GFI1B: variants seen among roughly 807,000 people sequenced by gnomAD.
GFI1B encodes zinc finger protein Gfi-1b.
Under a neutral mutation model 35.3 loss-of-function variants are expected in GFI1B, and 20 were observed. That is an observed-to-expected ratio of 0.57 (90% CI 0.40 to 0.82). The LOEUF is 0.82. Ranked by LOEUF, GFI1B falls within the 40% of genes least tolerant of loss-of-function variation. The pLI is 0.00. For missense variants in GFI1B, 430 were observed against 446.3 expected, an observed-to-expected ratio of 0.96 and a Z score of 0.33; for synonymous variants, 178 against 177.6, an observed-to-expected ratio of 1.00 and a Z score of -0.02.
At position 132,989,194 on chromosome 9, in the gene GFI1B, C is replaced by T; in HGVS notation, c.644C>T (p.Ser215Phe). The stretch of plus-strand genomic sequence containing the variant: ...CTGGAGCAGCACACGCACGTCCACT[C>T]CCAGGTGGGCACCTGGCCCAGCGCA... The part of the protein sequence containing the change: ...VSLEQHTHVH[S>F]QERSFECRMC... Residue 215 changes from serine (S) to phenylalanine (F), a missense_variant, in exon 5 of 7, where the codon TCC (serine) becomes TTC (phenylalanine). Transcript: ENST00000372122. This position sits in a 1 kb window ranked among gnomAD's most constrained non-coding sequence, Gnocchi z 6.2. The T allele has an allele frequency of 6.2e-7, 1 of 1,612,600 alleles. No individual in the cohort carries two copies. Among genetic ancestry groups the T allele is most frequent in the Non-Finnish European group, 8.5e-7 (1 of 1,179,484 alleles).
At position 132,988,467 on chromosome 9, in the gene GFI1B, A is replaced by G. The variant is rs1468878225; in HGVS notation, c.509A>G (p.Lys170Arg). The change falls in exon 4 of 7, where the codon AAG becomes AGG. Residue 170 changes from lysine to arginine, a missense_variant and splice_region_variant. Transcript: ENST00000372122. ...GCGTACCACTGTGTGAAGTGCAACA[A>G]GGTGGGCAGCGGGGGGTGTGGTGGG... Reference protein sequence around the residue: ...MDAYHCVKCNKVFSTPHGLEV... With the variant: ...MDAYHCVKCNRVFSTPHGLEV... The G allele has an allele frequency of 6.2e-7, 1 of 1,613,162 alleles. No homozygotes were observed. Among genetic ancestry groups the G allele is most frequent in the Admixed American group, 1.7e-5 (1 of 59,998 alleles).
upstream of GFI1B, among the ~76,000 whole-genome samples, chr9:132,973,875 A>G (rs144302382): frequency 6.6e-6 from 1 of 152,130 alleles, no homozygotes; most frequent in Admixed American, 6.5e-5. Context: ...TTTTGGCGGG[A>G]AAGTCTGCCA....
chr9:132,966,560 T>C (rs1848453638), intron 1 of GFI1B, among the ~76,000 whole-genome samples: 1 of 152,086 alleles, frequency 6.6e-6, no homozygotes, highest in Non-Finnish European at 1.5e-5. Context: ...ATGATAGAAT[T>C]GGAAGAATAA....
chr9:132,952,085 T>C (rs1248210155), intron 1 of GFI1B: 1 of 152,060 alleles, frequency 6.6e-6, no homozygotes, highest in African/African-American at 2.4e-5. Flanking sequence ...GTATTATTGA[T>C]TTATTATTAG....
chr9:132,947,692 C>T (rs1848140694), intron 1 of GFI1B, among the ~76,000 whole-genome samples: 1 of 151,328 alleles, frequency 6.6e-6, no homozygotes, highest in South Asian at 2.1e-4. Flanking sequence ...ACCTATAATC[C>T]AAGCTACTCA....
chr9:132,954,555 G>A (rs1476350170), intron 1 of GFI1B, among the ~76,000 whole-genome samples: 16 of 148,032 alleles, frequency 1.1e-4, no homozygotes, highest in African/African-American at 4.0e-4. Context: ...AGCCTGGATA[G>A]CAGAGTAAGA....
chr9:132,948,886 C>T lies in GFI1B; in HGVS notation c.-701+3217C>T, dbSNP rs1445771346. ...TCTGTCTGGGCTCCCCTCTGAGCCA[C>T]ACCCGCTAAGCATGTCCTCTCCCTC... On this transcript the variant is annotated intron_variant, in intron 1 of 10. Coordinates refer to the GFI1B transcript ENST00000339463. Among the ~76,000 whole-genome samples the T allele has an allele frequency of 2.6e-5, 4 of 152,232 alleles. No homozygotes were observed. The East Asian group carries it at 7.7e-4, about 29-fold the overall frequency.
intron 3 of GFI1B, among the ~76,000 whole-genome samples, chr9:132,987,750 T>A (rs898936477): frequency 1.7e-4 from 26 of 152,108 alleles, no homozygotes; most frequent in African/African-American, 6.0e-4. Flanking sequence ...TGGCAGTAAG[T>A]ATCTGGGTTG....
chr9:132,968,231 A>C (rs1848480405), intron 1 of GFI1B, among the ~76,000 whole-genome samples: 1 of 151,890 alleles, frequency 6.6e-6, no homozygotes, highest in Non-Finnish European at 1.5e-5. Context: ...CCTTCTCCTC[A>C]GCATGCTGAG....
chr9:132,963,412 G>A (rs1247811304), intron 1 of GFI1B, among the ~76,000 whole-genome samples: 1 of 152,092 alleles, frequency 6.6e-6, no homozygotes, highest in Admixed American at 6.6e-5. Flanking sequence ...CCTGGGAGGC[G>A]GAGGTTGCAG....
At chr9:132,955,110 A>T (rs986748640) in intron 1 of GFI1B, among the ~76,000 whole-genome samples, 1 of 152,138 alleles carries the variant, frequency 6.6e-6, no homozygotes, top group Non-Finnish European at 1.5e-5. Flanking sequence ...ATTTGTGTAG[A>T]TCCAAGTTTG....
At chr9:132,988,048 G>A (rs948372443) in intron 3 of GFI1B, 149 bp from the exon 4 acceptor site, 31 of 707,600 alleles carry the variant, frequency 4.4e-5, no homozygotes, top group African/African-American at 3.6e-4. Flanking sequence ...GTTTCACCAC[G>A]TTGGTCCGCC....
chr9:132,990,778 T>A (rs1849266690), intron 6 of GFI1B, 94 bp from the exon 7 acceptor site: 1 of 1,096,428 alleles, frequency 9.1e-7, no homozygotes, highest in African/African-American at 1.5e-5. Flanking sequence ...AGGAAGGTAT[T>A]GGAAAATGAA....
chr9:132,947,529 C>A (rs1295016863), intron 1 of GFI1B, among the ~76,000 whole-genome samples: 1 of 151,898 alleles, frequency 6.6e-6, no homozygotes, highest in Non-Finnish European at 1.5e-5. Flanking sequence ...AGTAAAGTGG[C>A]CTGGCGCAGT....
At chr9:132,973,919 CT>C (rs572924100), upstream of GFI1B, among the ~76,000 whole-genome samples, 167 of 152,326 alleles carry the variant, frequency 1.1e-3, no homozygotes, top group African/African-American at 3.7e-3. Flanking sequence ...ATCCCTCCCC[CT>C]GGGCACAATG....
chr9:132,979,821 T>C (rs1270072137), intron 1 of GFI1B, among the ~76,000 whole-genome samples: 2 of 152,200 alleles, frequency 1.3e-5, no homozygotes, highest in Non-Finnish European at 2.9e-5. Flanking sequence ...GCCGTGGGTA[T>C]GTGCCCGTGT....
At chr9:132,988,503 C>G (rs1849166575) in intron 4 of GFI1B, 35 bp downstream of exon 4, 3 of 1,595,152 alleles carry the variant, frequency 1.9e-6, no homozygotes, top group Non-Finnish European at 2.6e-6. Context: ...CACCTGGGCC[C>G]TCCTCTCCGC....
downstream of GFI1B, among the ~76,000 whole-genome samples, chr9:132,991,928 G>A (rs529445054): frequency 3.3e-5 from 5 of 152,174 alleles, no homozygotes; most frequent in South Asian, 1.0e-3. Context: ...CAGCTGGGGC[G>A]GTATCCGTTT....
At chr9:132,983,166 C>T (rs1334232272) in intron 1 of GFI1B, among the ~76,000 whole-genome samples, 1 of 146,864 alleles carries the variant, frequency 6.8e-6, no homozygotes, top group African/African-American at 2.5e-5. Flanking sequence ...ACTTGAGGGT[C>T]AGAGGGTTTG....
Sources: allele counts gnomAD v4.1 joint callset (sites outside exome capture counted in the v4.1 genomes callset), GRCh38; gene constraint gnomAD v4.1.1; non-coding constraint Gnocchi (gnomAD v3.1); transcripts MANE v1.5; gene names NCBI Gene and HGNC (gene_info 2026-07-23, HGNC 2026-07-21).